FBXW9: variants seen among roughly 807,000 people sequenced by gnomAD.
FBXW9 encodes the protein F-box and WD repeat domain containing 9.
In FBXW9, 38 loss-of-function variants were observed where a neutral mutation model predicts 55.8. The observed-to-expected ratio is 0.68, with a 90% CI of 0.53 to 0.89. FBXW9 has a LOEUF of 0.89. Among genes scored for constraint, FBXW9 ranks in the 40% least tolerant of loss-of-function variants. The pLI is 0.00. For synonymous variants in FBXW9, 289 were observed against 278.2 expected, an observed-to-expected ratio of 1.04 and a Z score of -0.38; for missense variants, 590 against 619.4, an observed-to-expected ratio of 0.95 and a Z score of 0.50.
In FBXW9 at chr19:12,694,803, A is replaced by T. The variant is rs760816568; in HGVS notation, c.545T>A (p.Leu182His). The stretch of plus-strand genomic sequence containing the variant: ...CCCCCACAGACCCCGTCTCACCTGG[A>T]GCAGCAGCACTGAGTCAACGGAAGC... ...HVASVDSVLL[L>H]QGGSLCLSGS... Residue 182 changes from leucine (L) to histidine (H), a missense_variant, in exon 2 of 10, where the codon CTC becomes CAC. Transcript: ENST00000393261. The T allele has an allele frequency of 6.2e-7, 1 of 1,614,048 alleles. No individual in the cohort carries two copies. Among genetic ancestry groups the T allele is most frequent in the East Asian group, 2.2e-5 (1 of 44,882 alleles).
At chr19:12,691,070 G>C in intron 5 of FBXW9, 96 bp downstream of exon 5, 2 of 1,085,814 alleles carry the variant, frequency 1.8e-6, no homozygotes, top group East Asian at 4.7e-5. Context: ...TGAGTATTTG[G>C]TTAAGTGACT....
At position 12,689,873 on chromosome 19, in the gene FBXW9, A is replaced by C. The variant is rs752910103; in HGVS notation, c.1034T>G (p.Leu345Arg). ...RANSVLQRLQLDSYLLCMSYQ... is the reference protein window; with the variant it reads ...RANSVLQRLQRDSYLLCMSYQ... ...GGACATGCAGAGCAGGTAGGAGTCC[A>C]GCTACGAGAGGGACAAGGGACGGGA... Residue 345 changes from leucine (L) to arginine (R), a missense_variant and splice_region_variant, in exon 7 of 10, where the codon CTG becomes CGG. By Grantham distance (102) the Leu-to-Arg change is moderately radical (BLOSUM62 -2). Coordinates refer to ENST00000393261, the MANE Select transcript of FBXW9 (RefSeq NM_032301.3). This position sits in a 1 kb window ranked among gnomAD's most constrained non-coding sequence, Gnocchi z 5.9. The C allele has an allele frequency of 6.2e-7, 1 of 1,613,710 alleles. No individual in the cohort carries two copies. Among genetic ancestry groups the C allele is most frequent in the Non-Finnish European group, 8.5e-7 (1 of 1,179,776 alleles).
intron 1 of FBXW9, 103 bp from the exon 2 acceptor site, chr19:12,695,041 G>C: frequency 7.5e-7 from 1 of 1,333,176 alleles, no homozygotes; most frequent in Admixed American, 2.2e-5. Context: ...CACTACACCA[G>C]ACTTGGACAG....
Position 12,691,275 on chromosome 19 carries a change from A to G in FBXW9, c.792-18T>C, listed in dbSNP as rs1444307162. On this transcript the variant is annotated intron_variant, in intron 4 of 9. Transcript: ENST00000393261. The stretch of plus-strand genomic sequence containing the variant: ...AGCTGGCCCTAGGGACACACAGACC[A>G]CAGGGCTTTGGCTGTGGCCAGACAG... The G allele has an allele frequency of 6.2e-7, 1 of 1,613,904 alleles. No individual in the cohort carries two copies. The highest frequency in any genetic ancestry group is 1.1e-5 in the South Asian group (1 of 91,082).
Position 12,696,372 on chromosome 19 carries a change from C to T in FBXW9, c.210G>A (p.Arg70=). ...PSASEPRAAS[R]VSAVSEPGLL... Reference sequence around the variant, plus strand: ...GGCCCGGCTCACTTACGGCCGAAACCCTGGACGCGGCCCGAGGCTCCGAAG... The same window carrying T: ...GGCCCGGCTCACTTACGGCCGAAACTCTGGACGCGGCCCGAGGCTCCGAAG... The change falls in exon 1 of 10, where the codon AGG becomes AGA. Residue 70 remains arginine, a synonymous_variant. Transcript: ENST00000393261. The T allele has an allele frequency of 6.2e-7, 1 of 1,609,938 alleles. No individual in the cohort carries two copies. The highest frequency in any genetic ancestry group is 2.2e-5 in the East Asian group (1 of 44,786).
In FBXW9 at chr19:12,691,220, CAGGCAGGT is replaced by C; in HGVS notation, c.821_828del (p.Tyr274Ter). The C allele has an allele frequency of 6.2e-7, 1 of 1,614,218 alleles. No individual in the cohort carries two copies. The highest frequency in any genetic ancestry group is 1.6e-4 in the Middle Eastern group (1 of 6,062). ...TCATAGGTGCCAGTCACCAGGATGT[CAGGCAGGT>C]AGGAGAGGCACAGCACGGCTGAGCT... On this transcript the variant is annotated frameshift_variant, in exon 5 of 10. Coordinates refer to ENST00000393261, the MANE Select transcript of FBXW9 (RefSeq NM_032301.3). LOFTEE classifies it high-confidence loss of function.
At chr19:12,693,561 TACACACACAC>T (rs1169069518) in intron 3 of FBXW9, among the ~76,000 whole-genome samples, 403 of 10,252 alleles carry the variant, frequency 0.039, 19 homozygotes, top group South Asian at 0.051. Flanking sequence ...TATATATATA[TACACACACAC>T]ACACACACAC....
In FBXW9 at chr19:12,691,433, C is replaced by T. The variant is rs2025007176; in HGVS notation, c.700G>A (p.Ala234Thr). 1.3e-6 allele frequency: 2 copies of T among 1,586,886 alleles called. No homozygotes were observed. The highest frequency in any genetic ancestry group is 2.3e-5 in the South Asian group (2 of 88,122). ...CCGGAGCACACGCGGTGGTCCTGCG[C>T]TGCCAGTGACCACACCCAGCCCTGC... Reference protein sequence around the residue: ...THEGWVWSLAAQDHRVCSGSW... With the variant: ...THEGWVWSLATQDHRVCSGSW... Residue 234 changes from alanine (A) to threonine (T), a missense_variant, in exon 4 of 10, where the codon GCG (alanine) becomes ACG (threonine). Physicochemically the swap from Ala to Thr is moderately conservative, Grantham distance 58. Coordinates refer to ENST00000393261, the MANE Select transcript of FBXW9 (RefSeq NM_032301.3).
In FBXW9 at chr19:12,689,784, T is replaced by C. The variant is rs1405042265; in HGVS notation, c.1123A>G (p.Asn375Asp). ...QGLLHVFANRNGCFQLIRSFD... is the reference protein window; with the variant it reads ...QGLLHVFANRDGCFQLIRSFD... ...ACCCGGATAAGCTGGAAGCAGCCGT[T>C]GCGGTTGGCGAAGACGTGCAGCAGG... Residue 375 changes from asparagine (N) to aspartate (D), a missense_variant, in exon 7 of 10, where the codon AAC becomes GAC. Asn to Asp is a conservative substitution (Grantham distance 23). Coordinates refer to ENST00000393261, the MANE Select transcript of FBXW9 (RefSeq NM_032301.3). This position sits in a 1 kb window ranked among gnomAD's most constrained non-coding sequence, Gnocchi z 5.9. 2 of 1,613,928 alleles carry C rather than the reference T, an allele frequency of 1.2e-6. No individual in the cohort carries two copies. Among genetic ancestry groups the C allele is most frequent in the Non-Finnish European group, 8.5e-7 (1 of 1,179,946 alleles).
At chr19:12,692,282 C>A (rs1483586438) in intron 3 of FBXW9, among the ~76,000 whole-genome samples, 3 of 146,822 alleles carry the variant, frequency 2.0e-5, no homozygotes, top group African/African-American at 5.1e-5. Context: ...GGCTGGAGTG[C>A]AATGATACGA....
Position 12,696,318 on chromosome 19 carries a change from G to C in FBXW9, c.264C>G (p.Leu88=), listed in dbSNP as rs1240758614. 10 of 1,587,326 alleles carry C rather than the reference G, an allele frequency of 6.3e-6. No individual in the cohort carries two copies. The highest frequency in any genetic ancestry group is 4.6e-5 in the East Asian group (2 of 43,486). ...GGGCGTCCAGGTAGGAGCAGATCTC[G>C]AGCAGCAGCTCCGGGGGAAGGCTCA... ...GLLSLPPELL[L]EICSYLDARL... The change falls in exon 1 of 10, where the codon CTC becomes CTG. Residue 88 remains leucine, a synonymous_variant. Transcript: ENST00000393261.
chr19:12,691,069 G>C, intron 5 of FBXW9, 97 bp downstream of exon 5: 1 of 1,058,854 alleles, frequency 9.4e-7, no homozygotes, highest in Non-Finnish European at 1.5e-6. Flanking sequence ...GTGAGTATTT[G>C]GTTAAGTGAC....
At chr19:12,690,161 C>A (rs767177327) in intron 5 of FBXW9, 51 bp from the exon 6 acceptor site, 29 of 1,609,102 alleles carry the variant, frequency 1.8e-5, no homozygotes, top group Non-Finnish European at 2.4e-5. Context: ...CCTCGAAGGC[C>A]CCCCCCAGCC....
chr19:12,694,526 A>G (rs967660917), intron 3 of FBXW9, 68 bp downstream of exon 3: 8 of 1,557,810 alleles, frequency 5.1e-6, no homozygotes, highest in Non-Finnish European at 7.0e-6. Context: ...TCCTGTACCA[A>G]AACCTGGGGC....
intron 3 of FBXW9, 85 bp downstream of exon 3, chr19:12,694,509 T>C: frequency 7.0e-7 from 1 of 1,430,088 alleles, no homozygotes; most frequent in Non-Finnish European, 9.5e-7. Flanking sequence ...GATTCAAATC[T>C]ATGCGGTCCT....
chr19:12,694,266 G>A (rs992183124), intron 3 of FBXW9, among the ~76,000 whole-genome samples: 16 of 150,850 alleles, frequency 1.1e-4, no homozygotes, highest in African/African-American at 3.2e-4. Flanking sequence ...GCTTGAACCC[G>A]GGAAGCAGAG....
In FBXW9 at chr19:12,693,588, AC is replaced by A. The variant is rs1568326361; in HGVS notation, c.678+1005del. ...CACACACACACACACACACACACAC[AC>A]ACACACACACACACACACAAAAGAA... On this transcript the variant is annotated intron_variant, in intron 3 of 9. Coordinates refer to ENST00000393261, the MANE Select transcript of FBXW9 (RefSeq NM_032301.3). Among the ~76,000 whole-genome samples, 90 of 119,756 alleles carry A rather than the reference AC, an allele frequency of 7.5e-4. 9 individuals are homozygous for A. Among genetic ancestry groups the A allele is most frequent in the African/African-American group, 3.9e-3 (87 of 22,502 alleles). 78.6% of individuals were successfully genotyped at this position (119,756 alleles called of 152,430 possible).
intron 5 of FBXW9, 104 bp from the exon 6 acceptor site, chr19:12,690,214 C>T (rs1345514220): frequency 1.3e-5 from 20 of 1,561,676 alleles, no homozygotes; most frequent in Non-Finnish European, 1.6e-5. Flanking sequence ...GCAAAACCCT[C>T]GATCTGCTCA....
At chr19:12,692,719 C>G (rs1229573070) in intron 3 of FBXW9, among the ~76,000 whole-genome samples, 4 of 150,686 alleles carry the variant, frequency 2.7e-5, no homozygotes, top group Non-Finnish European at 5.9e-5. Context: ...GAGTCAGGGT[C>G]TCCCATGTTG....
Sources: allele counts gnomAD v4.1 joint callset (sites outside exome capture counted in the v4.1 genomes callset), GRCh38; gene constraint gnomAD v4.1.1; non-coding constraint Gnocchi (gnomAD v3.1); transcripts MANE v1.5; gene names NCBI Gene and HGNC (gene_info 2026-07-23, HGNC 2026-07-21).